Variants in ZC3H18 observed in about 807,000 individuals in gnomAD.
ZC3H18 encodes zinc finger CCCH domain-containing protein 18.
A neutral mutation model predicts 106.1 loss-of-function variants in ZC3H18; 8 were observed. The observed-to-expected ratio is 0.08, with a 90% CI of 0.04 to 0.14. The LOEUF is 0.14. Among genes scored for constraint, ZC3H18 ranks in the 10% least tolerant of loss-of-function variants. The pLI, the probability that ZC3H18 is intolerant of heterozygous loss-of-function variation, is 1.00. For missense variants in ZC3H18, 1,318 were observed against 1,278.4 expected, an observed-to-expected ratio of 1.03 and a Z score of -0.47; for synonymous variants, 635 against 522.1, an observed-to-expected ratio of 1.22 and a Z score of -2.95.
Position 88,608,732 on chromosome 16 carries a change from T to A in ZC3H18, c.1089-202T>A, listed in dbSNP as rs532239931. On this transcript the variant is annotated intron_variant, in intron 6 of 17. Transcript: ENST00000301011. ...GAATTTTTGTTAGACATTTTTATCA[T>A]CTGTGAATAGAACCCTTTGACTTCT... 2.9e-5 allele frequency: 12 copies of A among 411,400 alleles called. No homozygotes were observed. In the East Asian group the frequency reaches 4.5e-4, roughly 16 times the overall value. 25.5% of individuals were successfully genotyped at this position (411,400 alleles called of 1,614,324 possible).
At position 88,631,194 on chromosome 16, in the gene ZC3H18, A is replaced by C. The variant is rs768191359; in HGVS notation, c.2757A>C (p.Ser919=). ...ATCCCGGCGCCGCCAGCACCAAATC[A>C]GGGAAGGCCAGCACGCTGTCTCGGC... ...ASDPGAASTK[S]GKASTLSRRE... is the part of the protein sequence containing the mutation. The change falls in exon 18 of 18, where the codon TCA becomes TCC. Residue 919 remains serine (S), a synonymous_variant. Transcript: ENST00000301011. The C allele has an allele frequency of 5.6e-6, 9 of 1,613,586 alleles. No individual in the cohort carries two copies. In the Admixed American group the frequency reaches 1.5e-4, roughly 27 times the overall value.
chr16:88,628,086 C>T lies in ZC3H18; in HGVS notation c.2436C>T (p.Ala812=), dbSNP rs772843379. ...AGCCCCAGCAGGGCACATTTGTGGC[C>T]CACAAGGAGATCAAGTTGACACTGT... The part of the protein sequence containing the change: ...PGQPQQGTFV[A]HKEIKLTLLN... The change falls in exon 15 of 18, where the codon GCC becomes GCT. Residue 812 remains alanine, a synonymous_variant. Transcript: ENST00000301011. 30 of 1,613,926 alleles carry T rather than the reference C, an allele frequency of 1.9e-5. No homozygotes were observed. The highest frequency in any genetic ancestry group is 2.5e-5 in the Non-Finnish European group (29 of 1,180,008).
intron 5 of ZC3H18, 93 bp from the exon 6 acceptor site, chr16:88,599,698 G>A: frequency 6.9e-7 from 1 of 1,441,858 alleles, no homozygotes; most frequent in Non-Finnish European, 9.3e-7. Flanking sequence ...CTGCAGGGCT[G>A]CTGCGGTCGG....
At chr16:88,614,775 T>G (rs1905476733) in intron 8 of ZC3H18, among the ~76,000 whole-genome samples, 1 of 152,246 alleles carries the variant, frequency 6.6e-6, no homozygotes, top group African/African-American at 2.4e-5. Context: ...TCAAGCCCTT[T>G]TGGATAGAAG....
intron 9 of ZC3H18, 82 bp from the exon 10 acceptor site, chr16:88,623,137 A>G (rs2142809420): frequency 6.5e-7 from 1 of 1,543,260 alleles, no homozygotes; most frequent in South Asian, 1.2e-5. Flanking sequence ...GTGGGTGTGT[A>G]GCTGTGCATG....
intron 1 of ZC3H18, among the ~76,000 whole-genome samples, chr16:88,575,056 C>G (rs1299458938): frequency 6.7e-6 from 1 of 149,510 alleles, no homozygotes; most frequent in East Asian, 2.0e-4. Flanking sequence ...GTCTCGATCT[C>G]CTGACCTCGT....
At chr16:88,608,886 G>A (rs374598505) in intron 6 of ZC3H18, 48 bp from the exon 7 acceptor site, 125 of 1,483,616 alleles carry the variant, frequency 8.4e-5, no homozygotes, top group African/African-American at 4.2e-5. Context: ...GTCTTTTTAC[G>A]CCAGTGCTCC....
chr16:88,584,861 G>A (rs138062859), intron 2 of ZC3H18, among the ~76,000 whole-genome samples: 15 of 152,006 alleles, frequency 9.9e-5, no homozygotes, highest in African/African-American at 3.1e-4. Context: ...ATCCTGATGC[G>A]GGAAAAACCC....
intron 2 of ZC3H18, among the ~76,000 whole-genome samples, chr16:88,584,887 C>T (rs11642877): frequency 0.17 from 26,052 of 152,172 alleles, 2,269 homozygotes; most frequent in East Asian, 0.24. Context: ...ACCACCTCAT[C>T]TCCTACACGC....
In ZC3H18 at chr16:88,623,990, C is replaced by T; in HGVS notation, c.1826C>T (p.Ser609Phe). 4 of 1,613,858 alleles carry T rather than the reference C, an allele frequency of 2.5e-6. No homozygotes were observed. Among genetic ancestry groups the T allele is most frequent in the Non-Finnish European group, 3.4e-6 (4 of 1,179,818 alleles). The change falls in exon 11 of 18, where the codon TCC becomes TTC. Residue 609 changes from serine (S) to phenylalanine (F), a missense_variant. This residue lies in a region of ZC3H18 where 848 missense variants were observed against 821.7 expected (regional missense o/e 1.03). Coordinates refer to ENST00000301011, the MANE Select transcript of ZC3H18 (RefSeq NM_144604.4). The part of the protein sequence containing the change: ...SRSFSSSPSP[S>F]PTPSPHRPSI... ...TCCTTCTCTTCGTCCCCGTCCCCGT[C>T]CCCAACACCTTCCCCACATAGACCT... is the stretch of plus-strand genomic sequence containing the variant.
rs1408849759 is a variant in ZC3H18 at position 88,630,759 on chromosome 16, CCCCCCCACACA to C, written c.2663+180_2663+190del. Among the ~76,000 whole-genome samples, 3 of 107,284 alleles carry C rather than the reference CCCCCCCACACA, an allele frequency of 2.8e-5. 1 individual carries two copies. The highest frequency in any genetic ancestry group is 1.8e-4 in the Admixed American group (2 of 11,424). The allele number at this position is 107,284 out of a possible 152,430, so 70.4% of individuals were successfully genotyped here. A position where few individuals can be genotyped will look rare whatever the true frequency, so the allele number is the denominator to read the frequency against. ...GCGAATTGCAGCCCCACCCCCCACCCCCCCCCACACACACACACACGCTCCTGCCCTGGTTG... is the reference window on the plus strand; with the variant it reads ...GCGAATTGCAGCCCCACCCCCCACCCCACACACACGCTCCTGCCCTGGTTG... On this transcript the variant is annotated intron_variant, in intron 17 of 17. Coordinates refer to ENST00000301011, the MANE Select transcript of ZC3H18 (RefSeq NM_144604.4).
rs1173982675 is a variant in ZC3H18 at position 88,598,606 on chromosome 16, T to A, written c.838-14T>A. The A allele has an allele frequency of 5.6e-6, 9 of 1,601,770 alleles. No homozygotes were observed. The highest frequency in any genetic ancestry group is 7.7e-6 in the Non-Finnish European group (9 of 1,172,864). On this transcript the variant is annotated splice_polypyrimidine_tract_variant and intron_variant, in intron 4 of 17. Coordinates refer to ENST00000301011, the MANE Select transcript of ZC3H18 (RefSeq NM_144604.4). ...TTTTACTTTCTCACCTTCTCCCTTC[T>A]CGTTTTTCAATAGGGTGGGCCGGTA...
rs1166797608 is a variant in ZC3H18, at chr16:88,624,016, T to C, written c.1852T>C (p.Ser618Pro). The C allele has an allele frequency of 1.2e-6, 2 of 1,613,946 alleles. No individual in the cohort carries two copies. The highest frequency in any genetic ancestry group is 1.7e-6 in the Non-Finnish European group (2 of 1,179,914). ...CCCAACACCTTCCCCACATAGACCT[T>C]CCATCAGAACCAAGGGAGAGCCGGC... ...PSPTPSPHRP[S>P]IRTKGEPAPP... is the part of the protein sequence containing the mutation. The change falls in exon 11 of 18, where the codon TCC becomes CCC. Residue 618 changes from serine to proline, a missense_variant. By Grantham distance (74) the Ser-to-Pro change is moderately conservative. Around this residue, in one of 6 missense-constraint regions of ZC3H18, gnomAD observed 848 missense variants for 821.7 expected, o/e 1.03. Coordinates refer to ENST00000301011, the MANE Select transcript of ZC3H18 (RefSeq NM_144604.4).
chr16:88,572,440 C>T (rs1171650505), intron 1 of ZC3H18, among the ~76,000 whole-genome samples: 2 of 151,676 alleles, frequency 1.3e-5, no homozygotes, highest in African/African-American at 2.4e-5. Flanking sequence ...ACAGGTAGTT[C>T]CTCAATTAAC....
intron 3 of ZC3H18, 141 bp downstream of exon 3, chr16:88,586,825 T>TGGG: frequency 1.0e-5 from 6 of 578,156 alleles, no homozygotes; most frequent in Non-Finnish European, 1.3e-5. Context: ...GTGGTGGTGG[T>TGGG]GGTGGTGGTG....
At chr16:88,592,592 A>G (rs1432025718) in intron 3 of ZC3H18, among the ~76,000 whole-genome samples, 2 of 152,104 alleles carry the variant, frequency 1.3e-5, no homozygotes, top group East Asian at 1.9e-4. Context: ...CTCCTGCCTC[A>G]GCCTCCCGAG....
chr16:88,582,176 T>C (rs1231780703), intron 2 of ZC3H18, among the ~76,000 whole-genome samples: 1 of 151,924 alleles, frequency 6.6e-6, no homozygotes, highest in Non-Finnish European at 1.5e-5. Flanking sequence ...CACATGGTCT[T>C]TAATATTTTC....
chr16:88,619,539 T>C (rs1307240931), intron 8 of ZC3H18, among the ~76,000 whole-genome samples: 1 of 152,194 alleles, frequency 6.6e-6, no homozygotes, highest in Non-Finnish European at 1.5e-5. Context: ...TCTGGCCATC[T>C]TCATTTTGAA....
intron 10 of ZC3H18, 66 bp from the exon 11 acceptor site, chr16:88,623,892 C>G: frequency 3.3e-6 from 5 of 1,537,882 alleles, no homozygotes; most frequent in Non-Finnish European, 4.4e-6. Flanking sequence ...GGTGGGTCCT[C>G]AGTGGGCTTG....
Sources: allele counts gnomAD v4.1 joint callset (sites outside exome capture counted in the v4.1 genomes callset), GRCh38; gene constraint gnomAD v4.1.1; regional missense constraint gnomAD v4.1.1; transcripts MANE v1.5; gene names NCBI Gene and HGNC (gene_info 2026-07-23, HGNC 2026-07-21).